Variants in BORCS5 observed in about 807,000 individuals in gnomAD.
The protein encoded by BORCS5 is BLOC-1 related complex subunit 5.
In BORCS5, 17 loss-of-function variants were observed where a neutral mutation model predicts 22.1. That is an observed-to-expected ratio of 0.77 (90% CI 0.53 to 1.15). The LOEUF (loss-of-function observed/expected upper bound fraction) is 1.15. BORCS5 is among the 50% of genes most tolerant of loss of function. The pLI is 0.00. For synonymous variants in BORCS5, 117 were observed against 99.8 expected (o/e 1.17, Z -1.03); for missense variants, 247 against 253.2 (o/e 0.98, Z 0.17).
intron 3 of BORCS5, among the ~76,000 whole-genome samples, chr12:12,453,253 G>A (rs1000549580): frequency 3.3e-5 from 5 of 152,290 alleles, no homozygotes; most frequent in Admixed American, 6.5e-5. Flanking sequence ...GTCAGTATGA[G>A]TCCATTTAAA....
In BORCS5 at chr12:12,452,045, G is replaced by T. The variant is rs1447705218; in HGVS notation, c.361-13501G>T. ...AACTTGACTGTCCTCCTCTATTTTT[G>T]GTAAACTTACGTGACTTTCCCCCCT... On this transcript the variant is annotated intron_variant, in intron 3 of 3. Transcript: ENST00000314565. 20 of 385,192 alleles carry T rather than the reference G, an allele frequency of 5.2e-5. No individual in the cohort carries two copies. In the East Asian group the frequency reaches 1.3e-3, roughly 25 times the overall value. 23.9% of individuals were successfully genotyped at this position (385,192 alleles called of 1,614,324 possible). A position where few individuals can be genotyped will look rare whatever the true frequency, so the allele number is the denominator to read the frequency against.
At position 12,468,709 on chromosome 12, in the gene BORCS5, G is replaced by C. The variant is rs1943240139; in HGVS notation, c.*2933G>C. 6.6e-6 allele frequency: 1 copy of C among 152,124 alleles called. No individual in the cohort carries two copies. Among genetic ancestry groups the C allele is most frequent in the Non-Finnish European group, 1.5e-5 (1 of 68,042 alleles). The allele number at this position is 152,124 out of a possible 1,614,324, so 9.4% of individuals were successfully genotyped here. On this transcript the variant is annotated 3_prime_UTR_variant, in exon 4 of 4. Transcript: ENST00000314565. ...TTAATTATAAATTAGCTGTTCATTG[G>C]CTGCTTCTTTCTAGAGCCTGTTTTG...
chr12:12,438,445 C>A (rs1391054209), intron 3 of BORCS5, among the ~76,000 whole-genome samples: 1 of 150,326 alleles, frequency 6.7e-6, no homozygotes, highest in Non-Finnish European at 1.5e-5. Context: ...AAGTGTGGTA[C>A]GGAGAGATTA....
chr12:12,391,094 A>G (rs367874975), intron 2 of BORCS5, among the ~76,000 whole-genome samples: 1,923 of 108,370 alleles, frequency 0.018, 33 homozygotes, highest in South Asian at 0.036. Flanking sequence ...ATAGACTACT[A>G]TTGTGCATCC....
In BORCS5 at chr12:12,379,221, A is replaced by G. The variant is rs529892056; in HGVS notation, c.202+17872A>G. On this transcript the variant is annotated intron_variant, in intron 2 of 3. Transcript: ENST00000314565. ...CTGCAACCTCTGCCTCCCGGGTTCA[A>G]GTGATTCTCTTGCCTCAGCCTCCTG... is the stretch of plus-strand genomic sequence containing the variant. 4.7e-5 allele frequency among the ~76,000 whole-genome samples: 7 copies of G among 150,360 alleles called. No homozygotes were observed. In the South Asian group the frequency reaches 1.5e-3, roughly 32 times the overall value.
intron 2 of BORCS5, among the ~76,000 whole-genome samples, chr12:12,410,519 C>G (rs1453776199): frequency 6.6e-6 from 1 of 151,920 alleles, no homozygotes; most frequent in Non-Finnish European, 1.5e-5. Context: ...TCAGGTTTGT[C>G]AAAGATCAGA....
rs61212144 is a variant in BORCS5 at position 12,466,067 on chromosome 12, GTT to G, written c.*305_*306del. 0.059 allele frequency: 12,247 copies of G among 207,764 alleles called. 369 individuals are homozygous for G. Among genetic ancestry groups the G allele is most frequent in the African/African-American group, 0.14 (5,731 of 41,480 alleles). The allele number at this position is 207,764 out of a possible 1,614,324, so 12.9% of individuals were successfully genotyped here. A position where few individuals can be genotyped will look rare whatever the true frequency, so the allele number is the denominator to read the frequency against. The stretch of plus-strand genomic sequence containing the variant: ...CTGCATTGAGAATTATTTTTATTTA[GTT>G]TTTTTTTTTTTTTAATTGAGAGTAT... On this transcript the variant is annotated 3_prime_UTR_variant, in exon 4 of 4. Transcript: ENST00000314565.
At chr12:12,453,461 A>T (rs1282079536) in intron 3 of BORCS5, among the ~76,000 whole-genome samples, 4 of 152,086 alleles carry the variant, frequency 2.6e-5, no homozygotes, top group African/African-American at 9.7e-5. Flanking sequence ...TAGCCTCAAC[A>T]ATTTGTTTTA....
rs145261335 is a variant in BORCS5 at position 12,368,871 on chromosome 12, A to G, written c.202+7522A>G. ...TATTCATTTTATTTATTCAACAAACACTGGATCTTCTTAGGCAAGTAGTGT... is the reference window on the plus strand; with the variant it reads ...TATTCATTTTATTTATTCAACAAACGCTGGATCTTCTTAGGCAAGTAGTGT... On this transcript the variant is annotated intron_variant, in intron 2 of 3. Transcript: ENST00000314565. Among the ~76,000 whole-genome samples the G allele has an allele frequency of 7.9e-4, 120 of 152,260 alleles. 2 individuals are homozygous for G. In the East Asian group the frequency reaches 0.021, roughly 27 times the overall value.
At chr12:12,384,860 C>G (rs960194456) in intron 2 of BORCS5, among the ~76,000 whole-genome samples, 14 of 151,142 alleles carry the variant, frequency 9.3e-5, no homozygotes, top group African/African-American at 1.2e-4. Flanking sequence ...TGGGGGCCGT[C>G]TGGGCAGCTC....
At chr12:12,384,367 T>C (rs569273012) in intron 2 of BORCS5, among the ~76,000 whole-genome samples, 1 of 150,460 alleles carries the variant, frequency 6.6e-6, no homozygotes. Flanking sequence ...CTTTCTTTTA[T>C]TATGATTTTC....
rs1009275849 is a variant in BORCS5, at chr12:12,381,758, T to A, written c.202+20409T>A. Among the ~76,000 whole-genome samples the A allele has an allele frequency of 9.2e-5, 14 of 151,460 alleles. 1 individual carries two copies. The highest frequency in any genetic ancestry group is 1.8e-4 in the Non-Finnish European group (12 of 67,710). On this transcript the variant is annotated intron_variant, in intron 2 of 3. Transcript: ENST00000314565. Reference sequence around the variant, plus strand: ...CTTTTAAAGACTATATAGTCTGCAGTCATTGGGTAGAGAGTTTTATATATG... The same window carrying A: ...CTTTTAAAGACTATATAGTCTGCAGACATTGGGTAGAGAGTTTTATATATG...
At chr12:12,401,129 C>T (rs1033037660) in intron 2 of BORCS5, among the ~76,000 whole-genome samples, 4 of 152,132 alleles carry the variant, frequency 2.6e-5, no homozygotes, top group Non-Finnish European at 5.9e-5. Context: ...TTGTACATGT[C>T]TCCTTTTGCA....
intron 2 of BORCS5, among the ~76,000 whole-genome samples, chr12:12,413,120 T>TTTA (rs1471421663): frequency 1.0e-5 from 1 of 98,690 alleles, no homozygotes; most frequent in Non-Finnish European, 2.0e-5. Context: ...TTTTTTTTTT[T>TTTA]TTTTTTTATT....
At chr12:12,404,551 A>G (rs1033776907) in intron 2 of BORCS5, among the ~76,000 whole-genome samples, 24 of 152,140 alleles carry the variant, frequency 1.6e-4, no homozygotes, top group Admixed American at 5.2e-4. Context: ...CCCACCTCCT[A>G]TTACTGTCAT....
intron 2 of BORCS5, among the ~76,000 whole-genome samples, chr12:12,362,390 CATAA>C (rs1332861065): frequency 6.6e-6 from 1 of 152,128 alleles, no homozygotes; most frequent in Non-Finnish European, 1.5e-5. Flanking sequence ...TCATCTGTTT[CATAA>C]ATAAGGAAAT....
intron 3 of BORCS5, among the ~76,000 whole-genome samples, chr12:12,452,663 G>T (rs988702599): frequency 6.6e-6 from 1 of 152,222 alleles, no homozygotes; most frequent in Admixed American, 6.5e-5. Context: ...TCACTTCAAA[G>T]TGTCCAGAAT....
chr12:12,422,072 G>C (rs889630762), intron 2 of BORCS5, among the ~76,000 whole-genome samples: 5 of 151,968 alleles, frequency 3.3e-5, no homozygotes, highest in Non-Finnish European at 1.5e-5. Flanking sequence ...TCTGATCTTA[G>C]TTATTTCTTG....
chr12:12,386,802 C>G (rs767628443), intron 2 of BORCS5, among the ~76,000 whole-genome samples: 1 of 151,110 alleles, frequency 6.6e-6, no homozygotes, highest in South Asian at 2.1e-4. Flanking sequence ...TCCTCCCTGC[C>G]CACCCATACC....
Sources: allele counts gnomAD v4.1 joint callset (sites outside exome capture counted in the v4.1 genomes callset), GRCh38; gene constraint gnomAD v4.1.1; transcripts MANE v1.5; gene names NCBI Gene and HGNC (gene_info 2026-07-23, HGNC 2026-07-21).